Variants in ERBB4 observed in about 807,000 individuals in gnomAD.
The protein encoded by ERBB4 is receptor tyrosine-protein kinase erbB-4.
In ERBB4, 42 loss-of-function variants were observed where a neutral mutation model predicts 158.0. That is an observed-to-expected ratio of 0.27 (90% CI 0.21 to 0.34). The LOEUF is 0.34. ERBB4 is among the 10% of genes least tolerant of loss of function. The pLI is 1.00. For missense variants in ERBB4, 1,333 were observed against 1,624.1 expected (o/e 0.82, Z 3.08); for synonymous variants, 583 against 558.7 (o/e 1.04, Z -0.61).
At chr2:211,931,631 A>C (rs1440402779) in intron 3 of ERBB4, among the ~76,000 whole-genome samples, 1 of 152,040 alleles carries the variant, frequency 6.6e-6, no homozygotes, top group Non-Finnish European at 1.5e-5. Context: ...AAAGAAAAAA[A>C]AACTAAGAAA....
At chr2:211,534,687 C>T (rs1043670571) in intron 20 of ERBB4, among the ~76,000 whole-genome samples, 1 of 151,984 alleles carries the variant, frequency 6.6e-6, no homozygotes, top group African/African-American at 2.4e-5. Flanking sequence ...TGCTATAAGT[C>T]TAAATGAGCA....
chr2:211,816,234 A>G (rs572845207), intron 3 of ERBB4, among the ~76,000 whole-genome samples: 2 of 152,270 alleles, frequency 1.3e-5, no homozygotes, highest in East Asian at 3.9e-4. Flanking sequence ...TTAATAAAAT[A>G]TCAGTTTTCA....
chr2:211,460,257 T>G (rs2064495684), intron 20 of ERBB4, among the ~76,000 whole-genome samples: 1 of 152,200 alleles, frequency 6.6e-6, no homozygotes, highest in Non-Finnish European at 1.5e-5. Flanking sequence ...CTTTTTTTTA[T>G]GATTGAAAAT....
intron 16 of ERBB4, among the ~76,000 whole-genome samples, chr2:211,650,421 T>C (rs992407379): frequency 6.6e-6 from 1 of 152,088 alleles, no homozygotes; most frequent in Non-Finnish European, 1.5e-5. Context: ...ACTCAAATTA[T>C]CATAATTTAG....
intron 1 of ERBB4, among the ~76,000 whole-genome samples, chr2:212,219,383 A>T (rs1204255381): frequency 6.6e-6 from 1 of 151,406 alleles, no homozygotes; most frequent in Non-Finnish European, 1.5e-5. Flanking sequence ...CACACATAAT[A>T]CTTTAAAAAC....
At chr2:212,246,939 CA>C (rs1207094520) in intron 1 of ERBB4, among the ~76,000 whole-genome samples, 5 of 152,264 alleles carry the variant, frequency 3.3e-5, no homozygotes, top group Admixed American at 1.3e-4. Flanking sequence ...TCAGTTTCCT[CA>C]ACTGAAAGAA....
intron 2 of ERBB4, among the ~76,000 whole-genome samples, chr2:212,122,577 C>T (rs904754021): frequency 7.2e-5 from 11 of 151,806 alleles, no homozygotes; most frequent in African/African-American, 2.7e-4. Flanking sequence ...AAATCTTGAC[C>T]CTCCTTATCT....
chr2:212,228,821 C>T (rs987891204), intron 1 of ERBB4, among the ~76,000 whole-genome samples: 1 of 152,136 alleles, frequency 6.6e-6, no homozygotes, highest in Non-Finnish European at 1.5e-5. Flanking sequence ...CCACATGCAC[C>T]AAAGCTTCCA....
At chr2:212,077,247 C>T (rs556750307) in intron 2 of ERBB4, among the ~76,000 whole-genome samples, 147 of 151,924 alleles carry the variant, frequency 9.7e-4, no homozygotes, top group Middle Eastern at 3.4e-3. Flanking sequence ...GTTTAACTTA[C>T]GTATATTCGA....
intron 25 of ERBB4, among the ~76,000 whole-genome samples, chr2:211,415,824 A>G (rs1436860309): frequency 6.6e-6 from 1 of 152,202 alleles, no homozygotes; most frequent in Non-Finnish European, 1.5e-5. Flanking sequence ...TTCTGCTTAC[A>G]TTTTATTTTT....
At chr2:212,269,514 C>T (rs887902078) in intron 1 of ERBB4, among the ~76,000 whole-genome samples, 2 of 151,712 alleles carry the variant, frequency 1.3e-5, no homozygotes, top group African/African-American at 4.8e-5. Context: ...GCAATACTTA[C>T]AGTGTAGACT....
intron 3 of ERBB4, among the ~76,000 whole-genome samples, chr2:211,914,036 G>C (rs2079615513): frequency 7.2e-6 from 1 of 138,226 alleles, no homozygotes; most frequent in Non-Finnish European, 1.5e-5. Context: ...TGACACAAAA[G>C]GTCTTGGAAT....
At chr2:211,978,046 C>G (rs1012316151) in intron 2 of ERBB4, among the ~76,000 whole-genome samples, 2 of 150,470 alleles carry the variant, frequency 1.3e-5, no homozygotes, top group Admixed American at 1.3e-4. Flanking sequence ...TAATAATTCT[C>G]TTCACCTATT....
At chr2:211,634,927 C>G (rs974025168) in intron 16 of ERBB4, among the ~76,000 whole-genome samples, 1 of 152,132 alleles carries the variant, frequency 6.6e-6, no homozygotes, top group Admixed American at 6.5e-5. Flanking sequence ...CCGCCTTGGC[C>G]TCCAAAAGTG....
chr2:212,077,158 G>A (rs1009144046), intron 2 of ERBB4, among the ~76,000 whole-genome samples: 4 of 151,938 alleles, frequency 2.6e-5, no homozygotes, highest in African/African-American at 4.8e-5. Context: ...CAAAGATATG[G>A]GACAATGGGA....
intron 1 of ERBB4, among the ~76,000 whole-genome samples, chr2:212,532,545 A>T (rs1005008679): frequency 6.6e-6 from 1 of 152,254 alleles, no homozygotes; most frequent in Non-Finnish European, 1.5e-5. Flanking sequence ...TTGAATTATT[A>T]AAAACATTCA....
At chr2:211,705,148 G>T (rs2073390078) in intron 10 of ERBB4, among the ~76,000 whole-genome samples, 170 bp downstream of exon 10, 1 of 151,908 alleles carries the variant, frequency 6.6e-6, no homozygotes, top group Non-Finnish European at 1.5e-5. Flanking sequence ...GTAGAGACAG[G>T]GTTTCTCCAT....
At chr2:211,707,237 A>C (rs2073481248) in intron 9 of ERBB4, among the ~76,000 whole-genome samples, 1 of 152,200 alleles carries the variant, frequency 6.6e-6, no homozygotes, top group Non-Finnish European at 1.5e-5. Context: ...GATATTTTAT[A>C]CAGTTAATTT....
chr2:211,471,338 A>T (rs2064822108), intron 20 of ERBB4, among the ~76,000 whole-genome samples: 1 of 152,154 alleles, frequency 6.6e-6, no homozygotes, highest in South Asian at 2.1e-4. Context: ...AAATCTGAGC[A>T]AATTTAAATG....
Sources: gnomAD v4.1 joint callset for allele counts (sites outside exome capture counted in the v4.1 genomes callset) on GRCh38, gnomAD v4.1.1 for gene constraint, MANE v1.5 for transcripts, NCBI Gene and HGNC (gene_info 2026-07-23, HGNC 2026-07-21) for gene names.